DENND1B: variants seen among roughly 807,000 people sequenced by gnomAD.
DENND1B encodes DENN domain-containing protein 1B.
DENND1B carries 59 observed loss-of-function variants against 90.1 expected under a neutral mutation model. The ratio of observed to expected loss-of-function variants is 0.65; its 90% CI spans 0.53 to 0.81. The LOEUF is 0.81. Ranked by LOEUF, DENND1B falls within the 40% of genes least tolerant of loss-of-function variation. The pLI, the probability that DENND1B is intolerant of heterozygous loss-of-function variation, is 0.00. For synonymous variants in DENND1B, 337 were observed against 324.6 expected (o/e 1.04, Z -0.41); for missense variants, 862 against 912.6 (o/e 0.94, Z 0.71).
chr1:197,612,846 T>C (rs947203264), intron 11 of DENND1B, among the ~76,000 whole-genome samples: 1 of 150,604 alleles, frequency 6.6e-6, no homozygotes, highest in East Asian at 2.0e-4. Flanking sequence ...ATACACAGAA[T>C]AAGAATTGCT....
At chr1:197,734,433 C>T in intron 2 of DENND1B, 1 of 984,716 alleles carries the variant, frequency 1.0e-6, no homozygotes, top group Non-Finnish European at 1.2e-6. Context: ...GTAATTTAAA[C>T]CAATAGCAAC....
chr1:197,681,532 T>C (rs1324107307), intron 3 of DENND1B, among the ~76,000 whole-genome samples: 4 of 152,190 alleles, frequency 2.6e-5, no homozygotes, highest in Non-Finnish European at 5.9e-5. Flanking sequence ...ACTGGCCAGT[T>C]TGAGAAACAG....
At chr1:197,735,644 C>A in intron 2 of DENND1B, 3 of 1,614,162 alleles carry the variant, frequency 1.9e-6, no homozygotes, top group Middle Eastern at 1.6e-4. Context: ...CCATGAAGGT[C>A]GAGCTATGCG....
rs907794213 is a variant in DENND1B, at chr1:197,735,954, C to A, written c.83-20880G>T. On this transcript the variant is annotated intron_variant, in intron 2 of 22. Transcript: ENST00000620048. ...TGAAGTTAGAAAGGCTCAACGAGAA[C>A]AAGGTATCAGGGCTGCTAAGGAAGC... The A allele has an allele frequency of 8.3e-6, 12 of 1,439,750 alleles. No individual in the cohort carries two copies. The South Asian group carries it at 1.4e-4, about 17-fold the overall frequency. 89.2% of individuals were successfully genotyped at this position (1,439,750 alleles called of 1,614,324 possible). A position where few individuals can be genotyped will look rare whatever the true frequency, so the allele number is the denominator to read the frequency against.
rs147304167 is a variant in DENND1B at position 197,547,309 on chromosome 1, T to C, written c.1241-536A>G. On this transcript the variant is annotated intron_variant, in intron 16 of 22. Coordinates refer to ENST00000620048, the MANE Select transcript of DENND1B (RefSeq NM_001195215.2). ...AGTCCCAGTGGCTACTCAGACACTATCCAATACAAAGAACCCCTAAAACAT... is the reference window on the plus strand; with the variant it reads ...AGTCCCAGTGGCTACTCAGACACTACCCAATACAAAGAACCCCTAAAACAT... Among the ~76,000 whole-genome samples, 104 of 151,804 alleles carry C rather than the reference T, an allele frequency of 6.9e-4. No homozygotes were observed. The East Asian group carries it at 0.02, about 30-fold the overall frequency.
At position 197,739,481 on chromosome 1, in the gene DENND1B, A is replaced by G. The variant is rs576156476; in HGVS notation, c.83-24407T>C. Among the ~76,000 whole-genome samples, 14 of 152,368 alleles carry G rather than the reference A, an allele frequency of 9.2e-5. No homozygotes were observed. In the South Asian group the frequency reaches 2.9e-3, roughly 32 times the overall value. On this transcript the variant is annotated intron_variant, in intron 2 of 22. Transcript: ENST00000620048. ...TATCAAAATATAACAGAAACATCAC[A>G]GGAAAATCCCCAAATATTTGTAACT...
rs907012321 is a variant in DENND1B at position 197,541,712 on chromosome 1, AG to A, written c.1351-698del. On this transcript the variant is annotated intron_variant, in intron 18 of 22. Coordinates refer to ENST00000620048, the MANE Select transcript of DENND1B (RefSeq NM_001195215.2). ...TGGCAAAGGTGAAAAAGAGGAGAAA[AG>A]GAATTCATATTTATTTTGTTTCCTA... 2.0e-3 allele frequency among the ~76,000 whole-genome samples: 302 copies of A among 152,318 alleles called. 1 individual carries two copies. Among genetic ancestry groups the A allele is most frequent in the African/African-American group, 6.9e-3 (286 of 41,570 alleles).
rs910373236 is a variant in DENND1B, at chr1:197,535,260, G to T, written c.1515+4704C>A. On this transcript the variant is annotated intron_variant, in intron 20 of 22. Transcript: ENST00000620048. ...TTCCAGCCTCCAGGCATTTAAAAATGCAGATCTGTTTTTGTTATTTTGCAA... is the reference window on the plus strand; with the variant it reads ...TTCCAGCCTCCAGGCATTTAAAAATTCAGATCTGTTTTTGTTATTTTGCAA... Among the ~76,000 whole-genome samples the T allele has an allele frequency of 7.2e-5, 11 of 152,148 alleles. No homozygotes were observed. The East Asian group carries it at 2.1e-3, about 29-fold the overall frequency.
chr1:197,542,842 G>A (rs140430002), intron 18 of DENND1B, among the ~76,000 whole-genome samples: 47 of 152,100 alleles, frequency 3.1e-4, no homozygotes, highest in Non-Finnish European at 5.0e-4. Context: ...TGATAAAAAA[G>A]TGATTAGGTA....
intron 2 of DENND1B, chr1:197,746,708 G>A (rs1296003322): frequency 2.3e-6 from 2 of 854,248 alleles, no homozygotes; most frequent in Non-Finnish European, 4.0e-6. Flanking sequence ...TCAGTAAATT[G>A]AGCATTTGAG....
chr1:197,722,230 A>T (rs553980995), intron 2 of DENND1B, among the ~76,000 whole-genome samples: 150 of 152,270 alleles, frequency 9.9e-4, no homozygotes, highest in Non-Finnish European at 1.9e-3. Flanking sequence ...GAAAAGGTTC[A>T]TTATATATGG....
chr1:197,597,760 T>C (rs1675836510), intron 13 of DENND1B, among the ~76,000 whole-genome samples: 2 of 151,814 alleles, frequency 1.3e-5, no homozygotes, highest in African/African-American at 4.8e-5. Context: ...TCCCTGTGGA[T>C]GTGTAGAAAA....
In DENND1B at chr1:197,730,590, AG is replaced by A. The variant is rs1662058672; in HGVS notation, c.83-15517del. The stretch of plus-strand genomic sequence containing the variant: ...ATGACATGGGAACTTAAATTGGAAA[AG>A]AAAAAATTCTTTACGGTTAATCACA... On this transcript the variant is annotated intron_variant, in intron 2 of 22. Transcript: ENST00000620048. 2.0e-5 allele frequency among the ~76,000 whole-genome samples: 3 copies of A among 152,280 alleles called. No individual in the cohort carries two copies. The South Asian group carries it at 6.2e-4, about 32-fold the overall frequency.
chr1:197,780,240 A>T (rs1775440), upstream of DENND1B, among the ~76,000 whole-genome samples: 1 of 151,986 alleles, frequency 6.6e-6, no homozygotes, highest in East Asian at 1.9e-4. Context: ...GGGTCTGAAG[A>T]CCCATAAGAC....
chr1:197,670,443 C>CTGTGTGAGTGTGTG, intron 5 of DENND1B, among the ~76,000 whole-genome samples: 1 of 99,538 alleles, frequency 1.0e-5, no homozygotes, highest in East Asian at 3.5e-4. Flanking sequence ...GGGGGGAAGA[C>CTGTGTGAGTGTGTG]TGTGTGTGTG....
At chr1:197,537,171 T>C (rs561832350) in intron 20 of DENND1B, among the ~76,000 whole-genome samples, 1 of 152,230 alleles carries the variant, frequency 6.6e-6, no homozygotes, top group Non-Finnish European at 1.5e-5. Context: ...TATTTATCAT[T>C]TGAAAACTAA....
At chr1:197,750,743 A>C (rs1490019128) in intron 2 of DENND1B, among the ~76,000 whole-genome samples, 2 of 152,168 alleles carry the variant, frequency 1.3e-5, no homozygotes, top group African/African-American at 4.8e-5. Flanking sequence ...AAAGCATCAC[A>C]AGCAAATTTC....
At chr1:197,756,191 A>G (rs2102434808) in intron 2 of DENND1B, among the ~76,000 whole-genome samples, 1 of 152,380 alleles carries the variant, frequency 6.6e-6, no homozygotes, top group South Asian at 2.1e-4. Context: ...ACTGATTGAT[A>G]GAATTAATAC....
intron 15 of DENND1B, among the ~76,000 whole-genome samples, chr1:197,582,809 T>A (rs200919149): frequency 1.6e-5 from 1 of 62,850 alleles, no homozygotes; most frequent in African/African-American, 3.0e-5. Flanking sequence ...AAATACAGTT[T>A]GTTAGTTTAC....
Sources: gnomAD v4.1 joint callset for allele counts (sites outside exome capture counted in the v4.1 genomes callset) on GRCh38, gnomAD v4.1.1 for gene constraint, MANE v1.5 for transcripts, NCBI Gene and HGNC (gene_info 2026-07-23, HGNC 2026-07-21) for gene names.